CNTN4: variants seen among roughly 807,000 people sequenced by gnomAD.
CNTN4 encodes contactin-4.
In CNTN4, 77 loss-of-function variants were observed where a neutral mutation model predicts 122.5. The ratio of observed to expected loss-of-function variants is 0.63; its 90% CI spans 0.52 to 0.76. The LOEUF (loss-of-function observed/expected upper bound fraction) is 0.76, where lower values mean the gene tolerates loss of function less well. Among genes scored for constraint, CNTN4 ranks in the 30% least tolerant of loss-of-function variants. The pLI, the probability that CNTN4 is intolerant of heterozygous loss-of-function variation, is 0.00. For missense variants in CNTN4, 1,256 were observed against 1,259.1 expected, an observed-to-expected ratio of 1.00 and a Z score of 0.04; for synonymous variants, 512 against 447.0, an observed-to-expected ratio of 1.15 and a Z score of -1.83.
At chr3:2,270,527 C>G (rs900660238) in intron 2 of CNTN4, among the ~76,000 whole-genome samples, 1 of 152,020 alleles carries the variant, frequency 6.6e-6, no homozygotes, top group Non-Finnish European at 1.5e-5. Flanking sequence ...GACAGGAGTA[C>G]TTGTTATGAC....
chr3:2,736,665 G>C (rs1340264453), intron 5 of CNTN4, among the ~76,000 whole-genome samples: 1 of 151,622 alleles, frequency 6.6e-6, no homozygotes, highest in Non-Finnish European at 1.5e-5. Flanking sequence ...GTTTCTCTGT[G>C]TTGGTCAGGC....
At chr3:2,869,318 G>C (rs574590017) in intron 8 of CNTN4, among the ~76,000 whole-genome samples, 1 of 152,188 alleles carries the variant, frequency 6.6e-6, no homozygotes, top group South Asian at 2.1e-4. Context: ...GGGAAATGAT[G>C]GGGGGTGAAA....
At chr3:2,287,635 A>G (rs1359036152) in intron 2 of CNTN4, among the ~76,000 whole-genome samples, 1 of 31,976 alleles carries the variant, frequency 3.1e-5, no homozygotes. Context: ...GGAGAAGGAG[A>G]AGAAGAAGAA....
In CNTN4 at chr3:2,841,142, A is replaced by G. The variant is rs752905823; in HGVS notation, c.454+21561A>G. Among the ~76,000 whole-genome samples the G allele has an allele frequency of 5.9e-5, 9 of 152,330 alleles. No individual in the cohort carries two copies. The highest frequency in any genetic ancestry group is 1.3e-4 in the Non-Finnish European group (9 of 68,026). On this transcript the variant is annotated intron_variant, in intron 7 of 24. Coordinates refer to ENST00000418658, the MANE Select transcript of CNTN4 (RefSeq NM_175607.3). The surrounding 1 kb of genome is among the most constrained non-coding windows in gnomAD (Gnocchi z 4.8). ...TCTCAGTGAAGATAATCTGAGGGTT[A>G]ATGCTAACTCTCATAGAATTTAAGT...
intron 4 of CNTN4, among the ~76,000 whole-genome samples, chr3:2,722,073 T>C (rs943616280): frequency 3.9e-5 from 6 of 152,206 alleles, no homozygotes; most frequent in Admixed American, 3.9e-4. Flanking sequence ...GCAATAAATT[T>C]CTGTTGTTAT....
At chr3:2,185,437 C>T (rs553543526) in intron 2 of CNTN4, among the ~76,000 whole-genome samples, 1 of 152,162 alleles carries the variant, frequency 6.6e-6, no homozygotes, top group East Asian at 1.9e-4. Context: ...AATTAGTATC[C>T]CAGATCTTTC....
At chr3:2,561,795 A>T (rs2078967483) in intron 3 of CNTN4, among the ~76,000 whole-genome samples, 1 of 152,304 alleles carries the variant, frequency 6.6e-6, no homozygotes, top group South Asian at 2.1e-4. Flanking sequence ...CAATGATCTC[A>T]TTGCCATAGG....
chr3:2,826,740 G>T (rs963463369), intron 7 of CNTN4, among the ~76,000 whole-genome samples: 1 of 152,148 alleles, frequency 6.6e-6, no homozygotes, highest in African/African-American at 2.4e-5. Context: ...GAGCCAGGAC[G>T]AATCTTACTG....
chr3:2,761,725 C>T (rs2090601483), intron 6 of CNTN4, among the ~76,000 whole-genome samples: 1 of 152,064 alleles, frequency 6.6e-6, no homozygotes, highest in Non-Finnish European at 1.5e-5. Flanking sequence ...ACACAGTTGG[C>T]AGTTGTTCTG....
At chr3:2,847,239 G>A (rs528808888) in intron 7 of CNTN4, among the ~76,000 whole-genome samples, 4 of 151,694 alleles carry the variant, frequency 2.6e-5, no homozygotes, top group African/African-American at 7.3e-5. Flanking sequence ...TCCCCTTAGA[G>A]GTCAGTAAGA....
intron 3 of CNTN4, among the ~76,000 whole-genome samples, chr3:2,413,289 A>G (rs954638028): frequency 6.6e-6 from 1 of 152,228 alleles, no homozygotes; most frequent in African/African-American, 2.4e-5. Context: ...TAGTTCAACA[A>G]TGTTCTTGAT....
chr3:2,467,717 A>C (rs964043727), intron 3 of CNTN4, among the ~76,000 whole-genome samples: 1 of 152,192 alleles, frequency 6.6e-6, no homozygotes, highest in Admixed American at 6.5e-5. Flanking sequence ...AATCTCTTAG[A>C]TATAGGTGTA....
At chr3:2,892,986 A>G (rs1194596961) in intron 10 of CNTN4, among the ~76,000 whole-genome samples, 1 of 152,220 alleles carries the variant, frequency 6.6e-6, no homozygotes, top group Non-Finnish European at 1.5e-5. Context: ...ACATTTTAAT[A>G]CAATAGGTAA....
chr3:2,704,097 G>A (rs1319636424), intron 4 of CNTN4, among the ~76,000 whole-genome samples: 1 of 151,866 alleles, frequency 6.6e-6, no homozygotes. Context: ...AGGAGTTCAA[G>A]ATCAGCCTGG....
intron 4 of CNTN4, chr3:2,735,954 G>T: frequency 1.7e-6 from 1 of 584,900 alleles, no homozygotes. Context: ...AAAGGGAGAC[G>T]TCAAGCAGCC....
chr3:2,491,685 A>G (rs1179254564), intron 3 of CNTN4, among the ~76,000 whole-genome samples: 1 of 152,194 alleles, frequency 6.6e-6, no homozygotes, highest in Non-Finnish European at 1.5e-5. Context: ...GTGTAGTTCA[A>G]ATCTCTTTAA....
chr3:2,709,525 G>A lies in CNTN4; in HGVS notation c.56-26690G>A, dbSNP rs541277407. Among the ~76,000 whole-genome samples, 202 of 152,274 alleles carry A rather than the reference G, an allele frequency of 1.3e-3. No individual in the cohort carries two copies. The highest frequency in any genetic ancestry group is 2.4e-3 in the Non-Finnish European group (163 of 68,014). Reference sequence around the variant, plus strand: ...TTTATATCGTTTGCCTCAGGCTAAAGATTTATGCCAGACTTCTAGACCAGT... The same window carrying A: ...TTTATATCGTTTGCCTCAGGCTAAAAATTTATGCCAGACTTCTAGACCAGT... On this transcript the variant is annotated intron_variant, in intron 4 of 24. Transcript: ENST00000418658. This position sits in a 1 kb window ranked among gnomAD's most constrained non-coding sequence, Gnocchi z 5.0.
intron 13 of CNTN4, among the ~76,000 whole-genome samples, chr3:2,951,720 C>G (rs148348395): frequency 1.3e-5 from 2 of 152,178 alleles, no homozygotes; most frequent in East Asian, 3.8e-4. Flanking sequence ...GGTGGCTCAT[C>G]TCTCCACAGT....
intron 2 of CNTN4, among the ~76,000 whole-genome samples, chr3:2,154,394 T>A (rs374179637): frequency 1.4e-3 from 202 of 146,648 alleles, no homozygotes; most frequent in African/African-American, 4.4e-3. Flanking sequence ...AAAAAAAAAA[T>A]AAAAGTGGAT....
Sources: allele counts gnomAD v4.1 joint callset (sites outside exome capture counted in the v4.1 genomes callset), GRCh38; gene constraint gnomAD v4.1.1; non-coding constraint Gnocchi (gnomAD v3.1); transcripts MANE v1.5; gene names NCBI Gene and HGNC (gene_info 2026-07-23, HGNC 2026-07-21).